The following AFG2A variants were observed in gnomAD, a reference collection of about 807,000 sequenced individuals.
AFG2A encodes the protein AAA ATPase AFG2A.
At chr4:123,280,323 A>T in the AFG2A span, among the ~76,000 whole-genome samples, 3 of 152,320 alleles carry the variant, frequency 2.0e-5, no homozygotes, top group Admixed American at 6.5e-5. Flanking sequence ...TACTTTTTTT[A>T]AATTAATAAA....
chr4:123,215,247 A>AT, the AFG2A span, among the ~76,000 whole-genome samples: 4 of 152,068 alleles, frequency 2.6e-5, no homozygotes, highest in African/African-American at 9.7e-5. Flanking sequence ...GACATAACAG[A>AT]TTTGCCCACT....
the AFG2A span, among the ~76,000 whole-genome samples, chr4:123,023,027 G>A: frequency 7.0e-6 from 1 of 142,536 alleles, no homozygotes; most frequent in Non-Finnish European, 1.5e-5. Context: ...ACACACTGGG[G>A]ACTGTTGTGG....
the AFG2A span, among the ~76,000 whole-genome samples, chr4:123,104,216 CATTATT>C: frequency 3.7e-4 from 57 of 152,064 alleles, no homozygotes; most frequent in Non-Finnish European, 5.9e-5. Context: ...CAATCTTCCT[CATTATT>C]ATTATTATGT....
chr4:123,009,928 T>G, the AFG2A span, among the ~76,000 whole-genome samples: 1 of 152,232 alleles, frequency 6.6e-6, no homozygotes, highest in African/African-American at 2.4e-5. Context: ...GTGGCTTTTC[T>G]TATCTGATAA....
At chr4:123,217,802 GT>G in the AFG2A span, among the ~76,000 whole-genome samples, 1 of 152,086 alleles carries the variant, frequency 6.6e-6, no homozygotes, top group Non-Finnish European at 1.5e-5. Flanking sequence ...AGGTTTGTTT[GT>G]TTTTTTCCTC....
At chr4:123,098,517 C>T in the AFG2A span, among the ~76,000 whole-genome samples, 1 of 151,902 alleles carries the variant, frequency 6.6e-6, no homozygotes, top group East Asian at 1.9e-4. Context: ...AATATCTTCC[C>T]AACTCCCTTA....
At chr4:123,169,088 A>G in the AFG2A span, among the ~76,000 whole-genome samples, 9 of 152,304 alleles carry the variant, frequency 5.9e-5, no homozygotes, top group South Asian at 1.5e-3. Context: ...TGCACTTTCA[A>G]TGCAGATGGG....
the AFG2A span, among the ~76,000 whole-genome samples, chr4:123,161,906 A>T: frequency 8.5e-5 from 13 of 152,184 alleles, no homozygotes; most frequent in Admixed American, 6.5e-5. Flanking sequence ...TTTACATTTG[A>T]TCATATTTTT....
the AFG2A span, among the ~76,000 whole-genome samples, chr4:123,093,237 CAT>C: frequency 6.6e-6 from 1 of 152,120 alleles, no homozygotes; most frequent in Non-Finnish European, 1.5e-5. Flanking sequence ...AGGGCTAACT[CAT>C]AAGCAGTGCA....
the AFG2A span, among the ~76,000 whole-genome samples, chr4:122,980,056 C>G: frequency 2.0e-5 from 3 of 152,132 alleles, no homozygotes; most frequent in Non-Finnish European, 4.4e-5. Flanking sequence ...AAAAGGTTTG[C>G]ATATTCATCA....
At chr4:123,271,809 T>TG in the AFG2A span, among the ~76,000 whole-genome samples, 2 of 152,280 alleles carry the variant, frequency 1.3e-5, no homozygotes, top group Admixed American at 1.3e-4. Context: ...TAACTTACAC[T>TG]GGAAAGCTAC....
At chr4:122,963,508 C>T in the AFG2A span, among the ~76,000 whole-genome samples, 1 of 152,208 alleles carries the variant, frequency 6.6e-6, no homozygotes, top group African/African-American at 2.4e-5. Flanking sequence ...TTCTTCCTCA[C>T]AGCAGCTCTC....
chr4:123,040,402 G>A, the AFG2A span, among the ~76,000 whole-genome samples: 1 of 152,056 alleles, frequency 6.6e-6, no homozygotes, highest in East Asian at 1.9e-4. Context: ...GTGTATTTTG[G>A]TCCAGCTCCC....
At chr4:123,184,779 G>A in the AFG2A span, among the ~76,000 whole-genome samples, 6 of 151,462 alleles carry the variant, frequency 4.0e-5, no homozygotes, top group East Asian at 1.9e-4. Flanking sequence ...CTCGTGATCC[G>A]CCCGCCTAGG....
At chr4:123,270,245 G>A in the AFG2A span, among the ~76,000 whole-genome samples, 1 of 152,166 alleles carries the variant, frequency 6.6e-6, no homozygotes, top group African/African-American at 2.4e-5. Context: ...TGGTCATTAT[G>A]GGATGTCTGT....
At chr4:123,202,624 TA>T in the AFG2A span, among the ~76,000 whole-genome samples, 45 of 152,302 alleles carry the variant, frequency 3.0e-4, no homozygotes, top group South Asian at 7.0e-3. Flanking sequence ...TTAGACTACA[TA>T]GCTTATTCAG....
the AFG2A span, among the ~76,000 whole-genome samples, chr4:122,937,541 A>T: frequency 6.6e-6 from 1 of 152,066 alleles, no homozygotes; most frequent in Non-Finnish European, 1.5e-5. Context: ...TCCCCCAATG[A>T]TAGTAGATGA....
At chr4:123,205,412 G>T in the AFG2A span, among the ~76,000 whole-genome samples, 4 of 151,534 alleles carry the variant, frequency 2.6e-5, no homozygotes, top group African/African-American at 9.7e-5. Context: ...TTTCAAATCC[G>T]TGGATTCAAC....
the AFG2A span, among the ~76,000 whole-genome samples, chr4:122,985,853 G>A: frequency 1.3e-5 from 2 of 150,204 alleles, no homozygotes; most frequent in Non-Finnish European, 3.0e-5. Context: ...AATTCCTTGA[G>A]GTGTGACCTT....
Sources: allele counts gnomAD v4.1 joint callset (sites outside exome capture counted in the v4.1 genomes callset), GRCh38; gene constraint gnomAD v4.1.1; transcripts MANE v1.5; gene names NCBI Gene and HGNC (gene_info 2026-07-23, HGNC 2026-07-21).